The following UPF2 variants were observed in gnomAD, a reference collection of about 807,000 sequenced individuals.
The protein encoded by UPF2 is regulator of nonsense transcripts 2.
In UPF2, 17 loss-of-function variants were observed where a neutral mutation model predicts 141.4. That is an observed-to-expected ratio of 0.12 (90% confidence interval 0.08 to 0.18). The LOEUF (loss-of-function observed/expected upper bound fraction) is 0.18, where lower values mean the gene tolerates loss of function less well. UPF2 is among the 10% of genes least tolerant of loss of function. UPF2 has a pLI of 1.00. For missense variants in UPF2, 1,152 were observed against 1,515.9 expected (o/e 0.76, Z 3.99); for synonymous variants, 540 against 498.0 (o/e 1.08, Z -1.12).
At chr10:11,946,157 C>T (rs1832997399) in intron 16 of UPF2, among the ~76,000 whole-genome samples, 1 of 152,188 alleles carries the variant, frequency 6.6e-6, no homozygotes, top group African/African-American at 2.4e-5. Context: ...GAAAACCATA[C>T]ATTATTGCCT....
chr10:11,938,868 T>TTTG lies in UPF2; in HGVS notation c.3379-2157_3379-2156insCAA, dbSNP rs1832896506. ...TTTTTTTTTTGTTTTTTTTTTTTTT[T>TTTG]TTTTTTTTTTTTTTGGAGACGGAGT... On this transcript the variant is annotated intron_variant, in intron 18 of 21. Transcript: ENST00000357604. 1.8e-4 allele frequency among the ~76,000 whole-genome samples: 16 copies of TTTG among 90,822 alleles called. 1 individual carries two copies. Among genetic ancestry groups the TTTG allele is most frequent in the Non-Finnish European group, 3.3e-4 (14 of 41,890 alleles). The allele number at this position is 90,822 out of a possible 152,430, so 59.6% of individuals were successfully genotyped here.
intron 6 of UPF2, among the ~76,000 whole-genome samples, chr10:12,000,949 G>A (rs904363432): frequency 8.5e-5 from 13 of 152,112 alleles, no homozygotes; most frequent in African/African-American, 2.9e-4. Context: ...GAACTGATAA[G>A]CTAGTCATAT....
At chr10:12,038,942 C>T (rs949844820) in intron 1 of UPF2, among the ~76,000 whole-genome samples, 1 of 152,068 alleles carries the variant, frequency 6.6e-6, no homozygotes, top group Non-Finnish European at 1.5e-5. Flanking sequence ...GCTAGGATTA[C>T]AGGTATAAGC....
rs576325239 is a variant in UPF2, at chr10:11,992,220, T to C, written c.1844+5452A>G. Among the ~76,000 whole-genome samples the C allele has an allele frequency of 3.3e-5, 5 of 152,214 alleles. No homozygotes were observed. The South Asian group carries it at 1.0e-3, about 32-fold the overall frequency. On this transcript the variant is annotated intron_variant, in intron 8 of 21. Transcript: ENST00000357604. This position sits in a 1 kb window ranked among gnomAD's most constrained non-coding sequence, Gnocchi z 4.1. ...ATTTTAATATAAATGTTTTATTCCC[T>C]ATCAGGATATGTCATCAATATAAAA...
Position 12,029,529 on chromosome 10 carries a change from AT to A in UPF2, c.366-6del, listed in dbSNP as rs1834478203. The A allele has an allele frequency of 1.9e-6, 3 of 1,566,722 alleles. No individual in the cohort carries two copies. The African/African-American group carries it at 4.1e-5, about 22-fold the overall frequency. On this transcript the variant is annotated splice_region_variant and splice_polypyrimidine_tract_variant and intron_variant, in intron 2 of 21. Transcript: ENST00000357604. The stretch of plus-strand genomic sequence containing the variant: ...TGAATGGATTCTTCTTTTTCTCTAT[AT>A]AAAAACAAACAAATAAATAAAATAC...
intron 2 of UPF2, among the ~76,000 whole-genome samples, chr10:12,031,002 G>A (rs556201833): frequency 9.6e-4 from 145 of 150,704 alleles, no homozygotes; most frequent in African/African-American, 3.0e-3. Flanking sequence ...GTGAAACCCC[G>A]TCTCTACTAA....
At chr10:12,024,488 T>A (rs1660731527) in intron 3 of UPF2, among the ~76,000 whole-genome samples, 2 of 152,012 alleles carry the variant, frequency 1.3e-5, no homozygotes, top group African/African-American at 2.4e-5. Flanking sequence ...CATGTGCCTA[T>A]AGTCCCAGCT....
intron 2 of UPF2, 131 bp from the exon 3 acceptor site, chr10:12,029,655 T>G: frequency 9.7e-7 from 1 of 1,031,946 alleles, no homozygotes; most frequent in Non-Finnish European, 1.3e-6. Flanking sequence ...AAAAGGCCTT[T>G]CACTACTTTT....
rs1834750936 is a variant in UPF2, at chr10:12,042,347, G to A, written c.-19+408C>T. Among the ~76,000 whole-genome samples the A allele has an allele frequency of 6.6e-6, 1 of 151,680 alleles. No individual in the cohort carries two copies. Among genetic ancestry groups the A allele is most frequent in the Admixed American group, 6.6e-5 (1 of 15,222 alleles). On this transcript the variant is annotated intron_variant, in intron 1 of 21. Transcript: ENST00000357604. The surrounding 1 kb of genome is among the most constrained non-coding windows in gnomAD (Gnocchi z 5.5). The stretch of plus-strand genomic sequence containing the variant: ...CCCCACTCCGCAGCCTCCCACACAC[G>A]CGCCCTCCCCACTTTCTCGCCCTCG...
intron 1 of UPF2, among the ~76,000 whole-genome samples, chr10:12,036,317 C>G (rs1045246677): frequency 6.6e-6 from 1 of 152,188 alleles, no homozygotes; most frequent in Non-Finnish European, 1.5e-5. Flanking sequence ...AATATAACTC[C>G]AGACATTGCT....
rs200273244 is a variant in UPF2 at position 12,001,680 on chromosome 10, T to C, written c.1650A>G (p.Glu550=). 1.9e-6 allele frequency: 3 copies of C among 1,601,100 alleles called. No individual in the cohort carries two copies. The highest frequency in any genetic ancestry group is 2.6e-6 in the Non-Finnish European group (3 of 1,176,426). Residue 550 remains glutamate, a synonymous_variant, in exon 6 of 22, where the codon GAA becomes GAG. Transcript: ENST00000357604. ...GTTGGTAAATTAGTTCTTTACCTTG[T>C]TCATCAAGAAGTTTCTTTGTAAGAT... ...AEDLTKKLLD[E]QEQEDEEAST... is the part of the protein sequence containing the mutation.
chr10:12,022,686 T>C (rs986220303), intron 3 of UPF2, among the ~76,000 whole-genome samples: 1 of 152,130 alleles, frequency 6.6e-6, no homozygotes, highest in African/African-American at 2.4e-5. Flanking sequence ...TACCAATTAA[T>C]TAATTGGTAT....
intron 15 of UPF2, among the ~76,000 whole-genome samples, chr10:11,950,573 A>G (rs1351401760): frequency 6.6e-6 from 1 of 152,234 alleles, no homozygotes; most frequent in African/African-American, 2.4e-5. Flanking sequence ...ACAAAGGACA[A>G]AGCACAACTG....
At chr10:12,029,561 A>G (rs1834479116) in intron 2 of UPF2, 37 bp from the exon 3 acceptor site, 1 of 1,533,468 alleles carries the variant, frequency 6.5e-7, no homozygotes, top group African/African-American at 1.4e-5. Context: ...AATACTCTCT[A>G]CATTTTGAAG....
At chr10:11,996,321 A>C (rs1833863730) in intron 8 of UPF2, among the ~76,000 whole-genome samples, 1 of 150,506 alleles carries the variant, frequency 6.6e-6, no homozygotes, top group South Asian at 2.1e-4. Flanking sequence ...ATCTTTTTTT[A>C]ATACTTATGA....
chr10:12,029,221 C>G lies in UPF2; in HGVS notation c.669G>C (p.Val223=). The G allele has an allele frequency of 6.2e-7, 1 of 1,614,144 alleles. No individual in the cohort carries two copies. The highest frequency in any genetic ancestry group is 1.3e-5 in the African/African-American group (1 of 75,048). Residue 223 remains valine, a synonymous_variant, in exon 3 of 22, where the codon GTG becomes GTC. Coordinates refer to ENST00000357604, the MANE Select transcript of UPF2 (RefSeq NM_015542.4). ...GCTGGTGAAAGAGAGAGCAGAGGTG[C>G]ACAGCACAGTTCACATCAGAGATTT... ...KLKISDVNCA[V]HLCSLFHQRY...
At chr10:11,938,428 G>A (rs555686384) in intron 18 of UPF2, among the ~76,000 whole-genome samples, 2 of 152,002 alleles carry the variant, frequency 1.3e-5, no homozygotes, top group Non-Finnish European at 2.9e-5. Flanking sequence ...CAACTGGCAA[G>A]CCCATTCGAC....
intron 20 of UPF2, among the ~76,000 whole-genome samples, chr10:11,930,256 G>A (rs1030294026): frequency 2.0e-5 from 3 of 152,244 alleles, no homozygotes; most frequent in South Asian, 2.1e-4. Flanking sequence ...CTAAGAGGCA[G>A]TGCATTGCAA....
intron 4 of UPF2, among the ~76,000 whole-genome samples, chr10:12,007,806 G>A (rs1164931084): frequency 6.7e-6 from 1 of 149,394 alleles, no homozygotes; most frequent in Non-Finnish European, 1.5e-5. Context: ...ACTCCAGCCT[G>A]GGCAACACAG....
Sources: gnomAD v4.1 joint callset for allele counts (sites outside exome capture counted in the v4.1 genomes callset) on GRCh38, gnomAD v4.1.1 for gene constraint, Gnocchi (gnomAD v3.1) non-coding constraint, MANE v1.5 for transcripts, NCBI Gene and HGNC (gene_info 2026-07-23, HGNC 2026-07-21) for gene names.